CFAP53: variants seen among roughly 807,000 people sequenced by gnomAD.
CFAP53 encodes the protein cilia and flagella associated protein 53, also known as cilia- and flagella-associated protein 53.
CFAP53 carries 62 observed loss-of-function variants against 59.7 expected under a neutral mutation model. That is an observed-to-expected ratio of 1.04 (90% CI 0.85 to 1.28). The LOEUF is 1.28. CFAP53 is among the 50% of genes most tolerant of loss of function. CFAP53 has a pLI of 0.00. For missense variants in CFAP53, 629 were observed against 615.6 expected, an observed-to-expected ratio of 1.02 and a Z score of -0.23; for synonymous variants, 218 against 205.7, an observed-to-expected ratio of 1.06 and a Z score of -0.51.
chr18:50,261,934 C>G, intron 2 of CFAP53, 56 bp downstream of exon 2: 6 of 1,419,252 alleles, frequency 4.2e-6, no homozygotes, highest in Non-Finnish European at 6.0e-6. Context: ...TGGTCAATCT[C>G]AAATTGTGGT....
At chr18:50,254,746 C>T (rs145764204) in intron 3 of CFAP53, among the ~76,000 whole-genome samples, 11 of 152,088 alleles carry the variant, frequency 7.2e-5, no homozygotes, top group South Asian at 2.1e-4. Flanking sequence ...AAAAATTAGC[C>T]GGGCTTGGTT....
Position 50,227,441 on chromosome 18 carries a change from T to C in CFAP53, c.1485A>G (p.Gln495=). 1 of 1,614,232 alleles carries C rather than the reference T, an allele frequency of 6.2e-7. No individual in the cohort carries two copies. Among genetic ancestry groups the C allele is most frequent in the Non-Finnish European group, 8.5e-7 (1 of 1,180,040 alleles). ...DKVQEVLSTH[Q]VLPQNIHPMR... ...TGGGATGAATGTTTTGAGGCAGCAC[T>C]TGATGGGTGGACAGGACCTCCTGGA... is the stretch of plus-strand genomic sequence containing the variant. The change falls in exon 8 of 8, where the codon CAA becomes CAG. Residue 495 remains glutamine, a synonymous_variant. Transcript: ENST00000398545.
intron 4 of CFAP53, 108 bp from the exon 5 acceptor site, chr18:50,251,084 A>G: frequency 1.1e-6 from 1 of 910,124 alleles, no homozygotes; most frequent in Non-Finnish European, 1.7e-6. Context: ...ATACACACAC[A>G]CCTGGATTTA....
chr18:50,238,479 T>C (rs1044789857), intron 7 of CFAP53, 124 bp downstream of exon 7: 1 of 604,776 alleles, frequency 1.7e-6, no homozygotes, highest in Non-Finnish European at 2.9e-6. Flanking sequence ...CTCAAACTCC[T>C]GGCTTCAAGC....
At chr18:50,233,603 G>A (rs1599113342) in intron 7 of CFAP53, among the ~76,000 whole-genome samples, 1 of 152,308 alleles carries the variant, frequency 6.6e-6, no homozygotes, top group Admixed American at 6.5e-5. Flanking sequence ...CTTCTCGCCT[G>A]TCTCCCTGAG....
intron 3 of CFAP53, among the ~76,000 whole-genome samples, chr18:50,260,178 C>T (rs570548763): frequency 1.3e-4 from 20 of 152,120 alleles, no homozygotes; most frequent in African/African-American, 3.1e-4. Flanking sequence ...GAGTATCCTA[C>T]GATGGAAAAC....
chr18:50,246,035 A>T (rs2033740855), intron 5 of CFAP53, among the ~76,000 whole-genome samples: 1 of 151,930 alleles, frequency 6.6e-6, no homozygotes, highest in East Asian at 1.9e-4. Context: ...GATTACAGGC[A>T]TGGGCCACCA....
chr18:50,264,087 A>C (rs1268671222), intron 1 of CFAP53, among the ~76,000 whole-genome samples: 1 of 152,210 alleles, frequency 6.6e-6, no homozygotes, highest in East Asian at 1.9e-4. Context: ...AGGGGAAGTT[A>C]ATTTTGATAG....
intron 3 of CFAP53, 114 bp downstream of exon 3, chr18:50,260,950 G>T: frequency 9.6e-7 from 1 of 1,041,502 alleles, no homozygotes; most frequent in Non-Finnish European, 1.4e-6. Context: ...AAGACTTAAA[G>T]TTACAACTAC....
intron 5 of CFAP53, among the ~76,000 whole-genome samples, chr18:50,248,397 C>G (rs1438231461): frequency 6.6e-6 from 1 of 152,190 alleles, no homozygotes; most frequent in African/African-American, 2.4e-5. Context: ...GGTATGGCTA[C>G]TCTGAAAAAC....
At chr18:50,235,375 G>A (rs2033623676) in intron 7 of CFAP53, among the ~76,000 whole-genome samples, 1 of 152,040 alleles carries the variant, frequency 6.6e-6, no homozygotes, top group African/African-American at 2.4e-5. Flanking sequence ...AGACCAGCCT[G>A]GCCAATATGG....
At chr18:50,238,778 G>C in intron 6 of CFAP53, 73 bp from the exon 7 acceptor site, 1 of 1,071,012 alleles carries the variant, frequency 9.3e-7, no homozygotes, top group Non-Finnish European at 1.4e-6. Context: ...CTGGGCACCA[G>C]AGTCATATTG....
Position 50,242,881 on chromosome 18 carries a change from C to A in CFAP53, c.1213+19G>T. The stretch of plus-strand genomic sequence containing the variant: ...GAATTAAGGGCAAGCTATAATATAA[C>A]TGTAATTCAGTTCCTTACACTTTTC... On this transcript the variant is annotated intron_variant, in intron 6 of 7. Coordinates refer to ENST00000398545, the MANE Select transcript of CFAP53 (RefSeq NM_145020.5). The A allele has an allele frequency of 6.3e-7, 1 of 1,591,080 alleles. No individual in the cohort carries two copies.
intron 7 of CFAP53, among the ~76,000 whole-genome samples, chr18:50,230,455 G>A (rs750378726): frequency 2.0e-5 from 3 of 152,340 alleles, no homozygotes; most frequent in Non-Finnish European, 2.9e-5. Context: ...TGGTGCACCC[G>A]CAGAGAGCAC....
Position 50,238,315 on chromosome 18 carries a change from C to A in CFAP53, c.1316+288G>T, listed in dbSNP as rs144283000. 4.9e-3 allele frequency among the ~76,000 whole-genome samples: 753 copies of A among 152,272 alleles called. 8 individuals carry two copies. The highest frequency in any genetic ancestry group is 0.017 in the African/African-American group (715 of 41,544). ...TTGCCCAGGTTGGAGTGTAGTGGCA[C>A]AATCATAGCTGCAGTGTTTAACTCC... is the stretch of plus-strand genomic sequence containing the variant. On this transcript the variant is annotated intron_variant, in intron 7 of 7. Coordinates refer to ENST00000398545, the MANE Select transcript of CFAP53 (RefSeq NM_145020.5).
intron 6 of CFAP53, among the ~76,000 whole-genome samples, chr18:50,240,466 G>C (rs999646114): frequency 1.3e-5 from 2 of 152,116 alleles, no homozygotes; most frequent in Non-Finnish European, 2.9e-5. Context: ...TCCAATCCTA[G>C]CCAATAGCGG....
intron 7 of CFAP53, among the ~76,000 whole-genome samples, chr18:50,233,968 G>A (rs1256016087): frequency 6.6e-6 from 1 of 152,190 alleles, no homozygotes; most frequent in African/African-American, 2.4e-5. Context: ...CACCAGAGAT[G>A]GCCTGTAAGG....
intron 5 of CFAP53, among the ~76,000 whole-genome samples, chr18:50,247,788 C>T (rs2033759096): frequency 6.6e-6 from 1 of 152,126 alleles, no homozygotes; most frequent in Admixed American, 6.5e-5. Flanking sequence ...TGATAAGTGG[C>T]TGCTTAGGAC....
chr18:50,263,077 T>C (rs1334517527), intron 1 of CFAP53, among the ~76,000 whole-genome samples: 3 of 152,232 alleles, frequency 2.0e-5, no homozygotes, highest in African/African-American at 4.8e-5. Flanking sequence ...TCTGTATTCC[T>C]AGCATTGAAC....
Sources: allele counts gnomAD v4.1 joint callset (sites outside exome capture counted in the v4.1 genomes callset), GRCh38; gene constraint gnomAD v4.1.1; transcripts MANE v1.5; gene names NCBI Gene and HGNC (gene_info 2026-07-23, HGNC 2026-07-21).